The following SLC25A26 variants were observed in gnomAD, a reference collection of about 807,000 sequenced individuals.
SLC25A26 encodes the protein solute carrier family 25 member 26.
Under a neutral mutation model 37.8 loss-of-function variants are expected in SLC25A26, and 36 were observed. The ratio of observed to expected loss-of-function variants is 0.95; its 90% CI spans 0.73 to 1.26. The LOEUF (loss-of-function observed/expected upper bound fraction) is 1.26. Among genes scored for constraint, SLC25A26 ranks in the 50% most tolerant of loss-of-function variants. The pLI is 0.00. For missense variants in SLC25A26, 390 were observed against 331.1 expected, an observed-to-expected ratio of 1.18 and a Z score of -1.38; for synonymous variants, 129 against 122.5, an observed-to-expected ratio of 1.05 and a Z score of -0.35.
rs930108993 is a variant in SLC25A26, at chr3:66,309,490, A to C, written c.454-36874A>C. Among the ~76,000 whole-genome samples the C allele has an allele frequency of 4.6e-5, 7 of 151,500 alleles. No individual in the cohort carries two copies. In the East Asian group the frequency reaches 7.8e-4, roughly 17 times the overall value. On this transcript the variant is annotated intron_variant, in intron 5 of 9. Transcript: ENST00000354883. ...TGATTTTTTTTTTAAAGTGTTTTTCATGTCTCTATATCCTTCAATTCTGCT... is the reference window on the plus strand; with the variant it reads ...TGATTTTTTTTTTAAAGTGTTTTTCCTGTCTCTATATCCTTCAATTCTGCT...
intron 3 of SLC25A26, among the ~76,000 whole-genome samples, chr3:66,258,212 C>T (rs949219145): frequency 4.6e-5 from 7 of 152,160 alleles, no homozygotes; most frequent in African/African-American, 1.4e-4. Context: ...GAGATGTCTG[C>T]GGGGGAAATC....
At chr3:66,323,457 C>T (rs1164774669) in intron 5 of SLC25A26, among the ~76,000 whole-genome samples, 3 of 152,174 alleles carry the variant, frequency 2.0e-5, no homozygotes, top group Non-Finnish European at 2.9e-5. Flanking sequence ...GTTTAATACA[C>T]ATAGAGCTGG....
At chr3:66,205,254 C>A (rs1207351723) in intron 1 of SLC25A26, among the ~76,000 whole-genome samples, 1 of 152,144 alleles carries the variant, frequency 6.6e-6, no homozygotes, top group Non-Finnish European at 1.5e-5. Flanking sequence ...GGTGGAGGCT[C>A]AGAGTTTATT....
Position 66,264,919 on chromosome 3 carries a change from A to T in SLC25A26, c.453+1540A>T, listed in dbSNP as rs529563794. Among the ~76,000 whole-genome samples, 9 of 152,314 alleles carry T rather than the reference A, an allele frequency of 5.9e-5. 1 individual carries two copies. In the South Asian group the frequency reaches 1.7e-3, roughly 28 times the overall value. On this transcript the variant is annotated intron_variant, in intron 5 of 9. Coordinates refer to ENST00000354883, the MANE Select transcript of SLC25A26 (RefSeq NM_001379210.1). ...TCACCTCTCTTTGCCTTCTAACTCT[A>T]AATTTCTGTGATTCAACACATGGGA...
intron 7 of SLC25A26, among the ~76,000 whole-genome samples, chr3:66,369,025 C>CAAAAAAAAAAAAAA (rs1201555171): frequency 3.0e-5 from 1 of 32,960 alleles, no homozygotes. Context: ...CCTGTCTTTT[C>CAAAAAAAAAAAAAA]AAAAAAAAAA....
intron 1 of SLC25A26, among the ~76,000 whole-genome samples, chr3:66,198,329 A>G (rs997350431): frequency 2.0e-5 from 3 of 151,904 alleles, no homozygotes; most frequent in Non-Finnish European, 4.4e-5. Context: ...TCTTGCCCTA[A>G]TGGTAGCTCT....
intron 7 of SLC25A26, among the ~76,000 whole-genome samples, chr3:66,368,245 C>T (rs2076868859): frequency 1.3e-5 from 2 of 152,206 alleles, no homozygotes; most frequent in Non-Finnish European, 2.9e-5. Flanking sequence ...CTCTTTACCC[C>T]TAGCTCATGG....
intron 6 of SLC25A26, among the ~76,000 whole-genome samples, chr3:66,356,510 A>G (rs943180176): frequency 1.3e-5 from 2 of 152,234 alleles, no homozygotes; most frequent in African/African-American, 2.4e-5. Flanking sequence ...CTTTTAAACA[A>G]TAGTTATTAT....
chr3:66,300,206 C>T (rs1341821419), intron 5 of SLC25A26, among the ~76,000 whole-genome samples: 1 of 150,364 alleles, frequency 6.7e-6, no homozygotes, highest in Non-Finnish European at 1.5e-5. Context: ...TAGCTTAAAT[C>T]CCGTTACAGT....
intron 5 of SLC25A26, among the ~76,000 whole-genome samples, chr3:66,271,199 G>A (rs556932951): frequency 1.6e-4 from 24 of 152,164 alleles, no homozygotes; most frequent in Non-Finnish European, 2.8e-4. Flanking sequence ...ATCTTTCTTC[G>A]TCTTCGTGAG....
At chr3:66,189,950 C>A (rs1474251906) in intron 1 of SLC25A26, among the ~76,000 whole-genome samples, 1 of 152,138 alleles carries the variant, frequency 6.6e-6, no homozygotes, top group African/African-American at 2.4e-5. Flanking sequence ...CAGGAGTGAG[C>A]CACTGCACCC....
chr3:66,304,646 G>A (rs564860117), intron 5 of SLC25A26: 4 of 309,142 alleles, frequency 1.3e-5, no homozygotes, highest in Admixed American at 8.5e-5. Context: ...TTGAGGATTC[G>A]TTGTTCACTA....
intron 1 of SLC25A26, among the ~76,000 whole-genome samples, chr3:66,209,053 TATATATATATATACACAC>T: frequency 4.1e-5 from 1 of 24,344 alleles, no homozygotes; most frequent in Non-Finnish European, 6.3e-5. Context: ...TATATATATA[TATATATATATATACACAC>T]ACACACCCAT....
intron 5 of SLC25A26, among the ~76,000 whole-genome samples, chr3:66,330,345 G>C (rs145274395): frequency 1.1e-3 from 161 of 152,232 alleles, no homozygotes; most frequent in African/African-American, 3.6e-3. Flanking sequence ...GAAAAACACT[G>C]ATGTTCCAAT....
At chr3:66,247,349 A>G (rs988088436) in intron 3 of SLC25A26, among the ~76,000 whole-genome samples, 1 of 152,176 alleles carries the variant, frequency 6.6e-6, no homozygotes, top group African/African-American at 2.4e-5. Flanking sequence ...CACTCTGTCA[A>G]CCAGGCTGAA....
intron 5 of SLC25A26, among the ~76,000 whole-genome samples, chr3:66,325,192 GGC>G (rs2075805811): frequency 6.6e-6 from 1 of 152,068 alleles, no homozygotes. Flanking sequence ...GGAGACGTAA[GGC>G]ATATATTCAG....
At chr3:66,209,040 GTATATATA>G (rs1172568131) in intron 1 of SLC25A26, among the ~76,000 whole-genome samples, 3 of 33,492 alleles carry the variant, frequency 9.0e-5, no homozygotes, top group Admixed American at 4.1e-4. Flanking sequence ...ATATAAAGGT[GTATATATA>G]TATATATATA....
chr3:66,318,009 C>T (rs1452335287), intron 5 of SLC25A26, among the ~76,000 whole-genome samples: 1 of 152,182 alleles, frequency 6.6e-6, no homozygotes, highest in Non-Finnish European at 1.5e-5. Context: ...TGGCGGCTGC[C>T]CCTTTTCCTC....
chr3:66,186,013 C>G (rs1316160882), intron 1 of SLC25A26, among the ~76,000 whole-genome samples: 1 of 150,932 alleles, frequency 6.6e-6, no homozygotes, highest in African/African-American at 2.4e-5. Context: ...TCACCATGAC[C>G]CTGTCCATGA....
Sources: gnomAD v4.1 joint callset for allele counts (sites outside exome capture counted in the v4.1 genomes callset) on GRCh38, gnomAD v4.1.1 for gene constraint, MANE v1.5 for transcripts, NCBI Gene and HGNC (gene_info 2026-07-23, HGNC 2026-07-21) for gene names.